ZDHHC14: variants seen among roughly 807,000 people sequenced by gnomAD.
ZDHHC14 encodes the protein zDHHC palmitoyltransferase 14, also known as palmitoyltransferase ZDHHC14.
In ZDHHC14, 16 loss-of-function variants were observed where a neutral mutation model predicts 47.7. That is an observed-to-expected ratio of 0.34 (90% confidence interval 0.23 to 0.51). ZDHHC14 has a LOEUF of 0.51. ZDHHC14 is among the 20% of genes least tolerant of loss of function. The probability of loss-of-function intolerance (pLI) is 0.97; values close to 1 mark genes in which losing one functional copy is unlikely to be tolerated. For missense variants in ZDHHC14, 515 were observed against 662.5 expected (o/e 0.78, Z 2.44); for synonymous variants, 293 against 278.9 (o/e 1.05, Z -0.50).
rs149688163 is a variant in ZDHHC14, at chr6:157,502,273, C to T, written c.246-40312C>T. ...AAGACCAAGAAAGTCATTATAGAAA[C>T]GGCAAGAAGACCATTGCATGTAAGC... On this transcript the variant is annotated intron_variant, in intron 1 of 8. Transcript: ENST00000359775. The surrounding 1 kb of genome is among the most constrained non-coding windows in gnomAD (Gnocchi z 4.0). 0.011 allele frequency among the ~76,000 whole-genome samples: 1,701 copies of T among 152,198 alleles called. 37 individuals carry two copies. The highest frequency in any genetic ancestry group is 0.038 in the African/African-American group (1,591 of 41,502).
At chr6:157,657,964 A>G (rs1187713657) in intron 8 of ZDHHC14, among the ~76,000 whole-genome samples, 3 of 152,346 alleles carry the variant, frequency 2.0e-5, no homozygotes, top group African/African-American at 4.8e-5. Flanking sequence ...GTTTTCATCT[A>G]TAAAATGGGA....
At chr6:157,453,675 C>T (rs753506508) in intron 1 of ZDHHC14, among the ~76,000 whole-genome samples, 61 of 152,268 alleles carry the variant, frequency 4.0e-4, no homozygotes, top group Non-Finnish European at 6.3e-4. Context: ...CCAGACACAG[C>T]GCTAGGTGCT....
At chr6:157,388,690 G>A (rs1208691583) in intron 1 of ZDHHC14, among the ~76,000 whole-genome samples, 2 of 152,108 alleles carry the variant, frequency 1.3e-5, no homozygotes, top group African/African-American at 4.8e-5. Context: ...TTTATAAACT[G>A]GATGATCTTC....
At chr6:157,486,647 G>A (rs947954761) in intron 1 of ZDHHC14, among the ~76,000 whole-genome samples, 1 of 152,184 alleles carries the variant, frequency 6.6e-6, no homozygotes, top group African/African-American at 2.4e-5. Flanking sequence ...TGTGAACAGG[G>A]TGGCAGAGGA....
chr6:157,492,328 C>A (rs994651764), intron 1 of ZDHHC14, among the ~76,000 whole-genome samples: 4 of 152,144 alleles, frequency 2.6e-5, no homozygotes, highest in Admixed American at 6.5e-5. Context: ...GCCACCTTGC[C>A]CTTCTTTACT....
intron 1 of ZDHHC14, among the ~76,000 whole-genome samples, chr6:157,465,105 C>CTTTTTTTTTTTTTTTTTTTTTTCT (rs1779177319): frequency 9.8e-6 from 1 of 102,010 alleles, no homozygotes; most frequent in Non-Finnish European, 1.9e-5. Context: ...TCTCTTTCTC[C>CTTTTTTTTTTTTTTTTTTTTTTCT]TTTTTTTTTT....
At chr6:157,635,936 C>A (rs1776950693) in intron 5 of ZDHHC14, among the ~76,000 whole-genome samples, 1 of 152,188 alleles carries the variant, frequency 6.6e-6, no homozygotes, top group African/African-American at 2.4e-5. Context: ...AAGTCTCAGC[C>A]GCTGCCTTTC....
rs913882238 is a variant in ZDHHC14, at chr6:157,542,835, G to T, written c.406+90G>T. 3.4e-6 allele frequency: 5 copies of T among 1,468,886 alleles called. No individual in the cohort carries two copies. The South Asian group carries it at 4.0e-5, about 12-fold the overall frequency. The allele number at this position is 1,468,886 out of a possible 1,614,324, so 91.0% of individuals were successfully genotyped here. A position where few individuals can be genotyped will look rare whatever the true frequency, so the allele number is the denominator to read the frequency against. Reference sequence around the variant, plus strand: ...CGGCAGGCCGAGGGCTGTGCAGGAGGAGCTGAGCGCTGGGAAGGAAGGAGG... The same window carrying T: ...CGGCAGGCCGAGGGCTGTGCAGGAGTAGCTGAGCGCTGGGAAGGAAGGAGG... On this transcript the variant is annotated intron_variant, in intron 2 of 8. Transcript: ENST00000359775.
intron 1 of ZDHHC14, among the ~76,000 whole-genome samples, chr6:157,499,157 C>A (rs1241851400): frequency 6.6e-6 from 1 of 152,170 alleles, no homozygotes; most frequent in Non-Finnish European, 1.5e-5. Context: ...GATCAGAGAA[C>A]ACTTTTGGTG....
chr6:157,642,154 A>T (rs1019931267), intron 5 of ZDHHC14, among the ~76,000 whole-genome samples: 4 of 152,244 alleles, frequency 2.6e-5, no homozygotes, highest in Non-Finnish European at 4.4e-5. Context: ...GAGCAAGGAC[A>T]TCATCTCCCT....
intron 8 of ZDHHC14, among the ~76,000 whole-genome samples, chr6:157,665,353 G>A (rs1470674832): frequency 1.3e-5 from 2 of 152,136 alleles, no homozygotes; most frequent in African/African-American, 2.4e-5. Flanking sequence ...TGAGTTAGCC[G>A]TGGGGTGTGA....
chr6:157,575,853 A>T (rs1231979557), intron 2 of ZDHHC14, among the ~76,000 whole-genome samples: 1 of 152,234 alleles, frequency 6.6e-6, no homozygotes, highest in Non-Finnish European at 1.5e-5. Flanking sequence ...AGAACCCTCA[A>T]TGCTCATAGG....
intron 1 of ZDHHC14, among the ~76,000 whole-genome samples, chr6:157,515,768 C>T (rs142022722): frequency 6.6e-6 from 1 of 151,978 alleles, no homozygotes; most frequent in African/African-American, 2.4e-5. Context: ...CCCGGCCCAC[C>T]CTTCATTTCT....
At chr6:157,606,177 A>G (rs934886829) in intron 3 of ZDHHC14, among the ~76,000 whole-genome samples, 1 of 152,094 alleles carries the variant, frequency 6.6e-6, no homozygotes, top group Non-Finnish European at 1.5e-5. Context: ...TTAAGATCTG[A>G]GGAGAGTCTG....
At chr6:157,510,435 A>T (rs1190453059) in intron 1 of ZDHHC14, among the ~76,000 whole-genome samples, 1 of 152,048 alleles carries the variant, frequency 6.6e-6, no homozygotes, top group African/African-American at 2.4e-5. Context: ...TCACTGCTCC[A>T]TGAAGCCGTC....
At chr6:157,449,248 A>G (rs1174342877) in intron 1 of ZDHHC14, among the ~76,000 whole-genome samples, 3 of 152,248 alleles carry the variant, frequency 2.0e-5, no homozygotes, top group Non-Finnish European at 4.4e-5. Flanking sequence ...TGTTTATCAA[A>G]TGCATCCATG....
chr6:157,480,262 T>G (rs1779592298), intron 1 of ZDHHC14, among the ~76,000 whole-genome samples: 1 of 149,354 alleles, frequency 6.7e-6, no homozygotes, highest in Non-Finnish European at 1.5e-5. Flanking sequence ...GTTTTGGGTT[T>G]TTTTTTTTTT....
At chr6:157,671,011 C>T (rs1173779720) in intron 8 of ZDHHC14, among the ~76,000 whole-genome samples, 2 of 152,114 alleles carry the variant, frequency 1.3e-5, no homozygotes, top group African/African-American at 4.8e-5. Context: ...CCTCCCTCCC[C>T]TCAAGGCTGC....
In ZDHHC14 at chr6:157,495,302, A is replaced by C. The variant is rs535569799; in HGVS notation, c.246-47283A>C. 4.6e-5 allele frequency among the ~76,000 whole-genome samples: 7 copies of C among 152,258 alleles called. No individual in the cohort carries two copies. The South Asian group carries it at 1.5e-3, about 32-fold the overall frequency. Reference sequence around the variant, plus strand: ...CTAAAATGGGAGTTTCTAGAATACAAGCCTTCTGCCTTTCCTGTTTCATTC... The same window carrying C: ...CTAAAATGGGAGTTTCTAGAATACACGCCTTCTGCCTTTCCTGTTTCATTC... On this transcript the variant is annotated intron_variant, in intron 1 of 8. Transcript: ENST00000359775.
Sources: gnomAD v4.1 joint callset for allele counts (sites outside exome capture counted in the v4.1 genomes callset) on GRCh38, gnomAD v4.1.1 for gene constraint, Gnocchi (gnomAD v3.1) non-coding constraint, MANE v1.5 for transcripts, NCBI Gene and HGNC (gene_info 2026-07-23, HGNC 2026-07-21) for gene names.